Variants in SPTB observed in about 807,000 individuals in gnomAD.
SPTB encodes spectrin beta chain, erythrocytic.
A neutral mutation model predicts 256.2 loss-of-function variants in SPTB; 45 were observed. The ratio of observed to expected loss-of-function variants is 0.18; its 90% confidence interval spans 0.14 to 0.23. The LOEUF is 0.23. SPTB is among the 10% of genes least tolerant of loss of function. The pLI is 1.00. For synonymous variants in SPTB, 1,231 were observed against 1,243.1 expected (o/e 0.99, Z 0.21); for missense variants, 2,715 against 3,040.4 (o/e 0.89, Z 2.52).
Position 64,830,011 on chromosome 14 carries a change from T to A in SPTB, c.-51-6866A>T, listed in dbSNP as rs1264919841. ...GTCTGGCTCCTTCTCATTCCTCAGA[T>A]CTCTTCTCAGATGTCGCTTCCTTGT... On this transcript the variant is annotated intron_variant, in intron 1 of 35. Transcript: ENST00000644917. Among the ~76,000 whole-genome samples, 2 of 152,168 alleles carry A rather than the reference T, an allele frequency of 1.3e-5. 1 individual carries two copies. The highest frequency in any genetic ancestry group is 6.3e-3 in the Middle Eastern group (2 of 316).
intron 32 of SPTB, chr14:64,756,991 G>C (rs2082024873): frequency 2.0e-5 from 3 of 152,520 alleles, no homozygotes; most frequent in African/African-American, 7.2e-5. Flanking sequence ...CTGGGCTTGG[G>C]GTCTTTCTGT....
chr14:64,797,939 C>T (rs565110013), intron 9 of SPTB, 93 bp from the exon 10 acceptor site: 8 of 853,064 alleles, frequency 9.4e-6, no homozygotes, highest in Middle Eastern at 2.2e-4. Flanking sequence ...CATCTTGAAG[C>T]GTAGATAGCA....
chr14:64,770,587 G>T (rs1356620274), intron 27 of SPTB, among the ~76,000 whole-genome samples: 1 of 152,198 alleles, frequency 6.6e-6, no homozygotes, highest in Non-Finnish European at 1.5e-5. Flanking sequence ...TATGTGAGTT[G>T]CTTATTTTCA....
chr14:64,847,124 A>G lies in SPTB; in HGVS notation c.-51-23979T>C, dbSNP rs1340456007. ...GATTTCCTCAGTTGTTCACTGGCAT[A>G]GAAGCCTCAAGCCCAGTCGGCTCTT... is the stretch of plus-strand genomic sequence containing the variant. On this transcript the variant is annotated intron_variant, in intron 1 of 35. Transcript: ENST00000644917. The surrounding 1 kb of genome is among the most constrained non-coding windows in gnomAD (Gnocchi z 5.9). Among the ~76,000 whole-genome samples the G allele has an allele frequency of 6.6e-6, 1 of 152,232 alleles. No homozygotes were observed. Among genetic ancestry groups the G allele is most frequent in the Non-Finnish European group, 1.5e-5 (1 of 68,042 alleles).
intron 8 of SPTB, 148 bp downstream of exon 8, chr14:64,800,608 C>A: frequency 1.4e-6 from 1 of 739,426 alleles, no homozygotes; most frequent in South Asian, 1.5e-5. Flanking sequence ...GCTCAGGAGC[C>A]ATCAATGTTG....
In SPTB at chr14:64,793,445, G is replaced by C; in HGVS notation, c.2218C>G (p.Gln740Glu). The C allele has an allele frequency of 1.2e-6, 2 of 1,614,026 alleles. No individual in the cohort carries two copies. Among genetic ancestry groups the C allele is most frequent in the Non-Finnish European group, 1.7e-6 (2 of 1,180,040 alleles). The change falls in exon 14 of 36, where the codon CAG becomes GAG. Residue 740 changes from glutamine to glutamate, a missense_variant. Around this residue, in one of 4 missense-constraint regions of SPTB, gnomAD observed 2,239 missense variants for 2,384.4 expected, o/e 0.94. Transcript: ENST00000644917. This position sits in a 1 kb window ranked among gnomAD's most constrained non-coding sequence, Gnocchi z 7.0. The part of the protein sequence containing the change: ...DLAAFCKKNL[Q>E]DAENFFQFQG... Reference sequence around the variant, plus strand: ...AACTGGAAAAAGTTCTCAGCATCCTGGAGGTTCTTCTTGCAGAAGGCAGCC... The same window carrying C: ...AACTGGAAAAAGTTCTCAGCATCCTCGAGGTTCTTCTTGCAGAAGGCAGCC...
At position 64,760,707 on chromosome 14, in the gene SPTB, C is replaced by T. The variant is rs2082080855; in HGVS notation, c.6345+6019G>A. 6.6e-6 allele frequency among the ~76,000 whole-genome samples: 1 copy of T among 152,198 alleles called. No individual in the cohort carries two copies. The highest frequency in any genetic ancestry group is 2.1e-4 in the South Asian group (1 of 4,826). ...GAAGGGACTTAAATGATCACCTACT[C>T]AGTGCCAGCTGCTCTACCTACATTG... On this transcript the variant is annotated intron_variant, in intron 32 of 35. Transcript: ENST00000644917. This position sits in a 1 kb window ranked among gnomAD's most constrained non-coding sequence, Gnocchi z 4.3.
In SPTB at chr14:64,764,874, AC is replaced by A. The variant is rs1360386791; in HGVS notation, c.6345+1851del. Among the ~76,000 whole-genome samples the A allele has an allele frequency of 6.6e-6, 1 of 151,870 alleles. No homozygotes were observed. The highest frequency in any genetic ancestry group is 2.4e-5 in the African/African-American group (1 of 41,294). Reference sequence around the variant, plus strand: ...ACAGTCCACCACAGACAGGGAGGCGACCCCACATGCGATGACGGGAGCTTCG... The same window carrying A: ...ACAGTCCACCACAGACAGGGAGGCGACCCACATGCGATGACGGGAGCTTCG... On this transcript the variant is annotated intron_variant, in intron 32 of 35. Transcript: ENST00000644917. The surrounding 1 kb of genome is among the most constrained non-coding windows in gnomAD (Gnocchi z 4.2).
intron 1 of SPTB, among the ~76,000 whole-genome samples, chr14:64,833,205 A>C (rs1033027005): frequency 6.6e-6 from 1 of 152,192 alleles, no homozygotes. Context: ...GCTCCTTTAC[A>C]GAATAACTTC....
Position 64,774,377 on chromosome 14 carries a change from A to C in SPTB, c.4973+20T>G. On this transcript the variant is annotated intron_variant, in intron 24 of 35. Transcript: ENST00000644917. The stretch of plus-strand genomic sequence containing the variant: ...TCAATCCCCATCTCCTGACCGAGTC[A>C]CCACAGGGGGCGCACGCACCCCTCA... 6.3e-7 allele frequency: 1 copy of C among 1,580,768 alleles called. No individual in the cohort carries two copies. The highest frequency in any genetic ancestry group is 8.6e-7 in the Non-Finnish European group (1 of 1,163,544).
Position 64,853,232 on chromosome 14 carries a change from C to T in SPTB, c.-52+26560G>A, listed in dbSNP as rs1327810635. Among the ~76,000 whole-genome samples the T allele has an allele frequency of 6.6e-6, 1 of 151,998 alleles. No homozygotes were observed. The highest frequency in any genetic ancestry group is 1.9e-4 in the East Asian group (1 of 5,198). ...ACCTGTGGAAATGAATGGCTGGAGACCAGAGAAATTTAGAGTCATTATCAG... is the reference window on the plus strand; with the variant it reads ...ACCTGTGGAAATGAATGGCTGGAGATCAGAGAAATTTAGAGTCATTATCAG... On this transcript the variant is annotated intron_variant, in intron 1 of 35. Transcript: ENST00000644917. The surrounding 1 kb of genome is among the most constrained non-coding windows in gnomAD (Gnocchi z 4.3).
rs1386971368 is a variant in SPTB at position 64,772,512 on chromosome 14, C to T, written c.5553+68G>A. On this transcript the variant is annotated intron_variant, in intron 26 of 35. Transcript: ENST00000644917. The surrounding 1 kb of genome is among the most constrained non-coding windows in gnomAD (Gnocchi z 5.4). ...TCCTAGAGGTTTTCCTGCTGACAGC[C>T]AGGTGGGGACTGACACCCAGGGCTC... 6.3e-6 allele frequency: 10 copies of T among 1,586,024 alleles called. No homozygotes were observed. In the East Asian group the frequency reaches 1.6e-4, roughly 25 times the overall value.
At position 64,796,505 on chromosome 14, in the gene SPTB, G is replaced by A; in HGVS notation, c.1341+52C>T. The A allele has an allele frequency of 2.5e-6, 4 of 1,612,726 alleles. No individual in the cohort carries two copies. The highest frequency in any genetic ancestry group is 1.1e-5 in the South Asian group (1 of 90,990). Reference sequence around the variant, plus strand: ...GGACTCCAGCCCAGCCAAGAGCTGGGGGCTCTGAAGAATGTCCCCTCTCCT... The same window carrying A: ...GGACTCCAGCCCAGCCAAGAGCTGGAGGCTCTGAAGAATGTCCCCTCTCCT... On this transcript the variant is annotated intron_variant, in intron 11 of 35. Coordinates refer to ENST00000644917, the MANE Select transcript of SPTB (RefSeq NM_001355436.2). The surrounding 1 kb of genome is among the most constrained non-coding windows in gnomAD (Gnocchi z 4.1).
At chr14:64,842,086 C>T (rs2083616262) in intron 1 of SPTB, among the ~76,000 whole-genome samples, 1 of 152,240 alleles carries the variant, frequency 6.6e-6, no homozygotes, top group African/African-American at 2.4e-5. Flanking sequence ...TTCCAAAGAG[C>T]TTGCCTAGAG....
intron 2 of SPTB, among the ~76,000 whole-genome samples, chr14:64,812,185 G>A (rs1194337798): frequency 1.3e-5 from 2 of 152,216 alleles, no homozygotes; most frequent in Non-Finnish European, 2.9e-5. Flanking sequence ...CTCACCTCAG[G>A]TGATCTGCCT....
intron 1 of SPTB, among the ~76,000 whole-genome samples, chr14:64,840,977 A>G (rs552055404): frequency 5.3e-5 from 8 of 152,280 alleles, no homozygotes; most frequent in Admixed American, 5.2e-4. Flanking sequence ...TAATTTAAAC[A>G]TTTCTTATCG....
At chr14:64,783,365 A>G (rs1037186992) in intron 19 of SPTB, among the ~76,000 whole-genome samples, 1 of 151,972 alleles carries the variant, frequency 6.6e-6, no homozygotes, top group Non-Finnish European at 1.5e-5. Flanking sequence ...CCATGCCCAG[A>G]TAATTTTTGT....
Position 64,825,904 on chromosome 14 carries a change from G to C in SPTB, c.-51-2759C>G, listed in dbSNP as rs2083371973. ...CTCCTGTGGCCATGGCTCAGAGAAG[G>C]CAGCAGCCGGGCAGCAGCTCTGCCA... is the stretch of plus-strand genomic sequence containing the variant. On this transcript the variant is annotated intron_variant, in intron 1 of 35. Transcript: ENST00000644917. This position sits in a 1 kb window ranked among gnomAD's most constrained non-coding sequence, Gnocchi z 4.8. Among the ~76,000 whole-genome samples the C allele has an allele frequency of 6.6e-6, 1 of 152,258 alleles. No homozygotes were observed. Among genetic ancestry groups the C allele is most frequent in the Non-Finnish European group, 1.5e-5 (1 of 68,050 alleles).
rs2082349779 is a variant in SPTB, at chr14:64,775,940, T to A, written c.4564-537A>T. ...GCCCCTTGCTTACAGTCTCAGCTTT[T>A]GTTTTTCCCTACTTCTATTTCTCAT... On this transcript the variant is annotated intron_variant, in intron 22 of 35. Transcript: ENST00000644917. The surrounding 1 kb of genome is among the most constrained non-coding windows in gnomAD (Gnocchi z 5.0). Among the ~76,000 whole-genome samples, 1 of 152,208 alleles carries A rather than the reference T, an allele frequency of 6.6e-6. No homozygotes were observed. Among genetic ancestry groups the A allele is most frequent in the African/African-American group, 2.4e-5 (1 of 41,440 alleles).
Sources: allele counts gnomAD v4.1 joint callset (sites outside exome capture counted in the v4.1 genomes callset), GRCh38; gene constraint gnomAD v4.1.1; regional missense constraint gnomAD v4.1.1; non-coding constraint Gnocchi (gnomAD v3.1); transcripts MANE v1.5; gene names NCBI Gene and HGNC (gene_info 2026-07-23, HGNC 2026-07-21).